PDILT: variants seen among roughly 807,000 people sequenced by gnomAD.
PDILT encodes protein disulfide isomerase like, testis expressed, also known as protein disulfide-isomerase-like protein of the testis.
In PDILT, 43 loss-of-function variants were observed where a neutral mutation model predicts 53.7. The observed-to-expected ratio is 0.80, with a 90% CI of 0.63 to 1.03. The LOEUF (loss-of-function observed/expected upper bound fraction) is 1.03, where lower values mean the gene tolerates loss of function less well. PDILT is among the 50% of genes least tolerant of loss of function. PDILT has a pLI of 0.00. For missense variants in PDILT, 727 were observed against 712.3 expected, an observed-to-expected ratio of 1.02 and a Z score of -0.24; for synonymous variants, 282 against 274.2, an observed-to-expected ratio of 1.03 and a Z score of -0.28.
intron 2 of PDILT, among the ~76,000 whole-genome samples, chr16:20,394,723 C>A (rs1183057551): frequency 6.6e-6 from 1 of 152,222 alleles, no homozygotes; most frequent in Non-Finnish European, 1.5e-5. Flanking sequence ...AGATGGGCAT[C>A]ATTTCCAGGC....
Position 20,384,642 on chromosome 16 carries a change from T to C in PDILT, c.409+3A>G. 1 of 1,613,998 alleles carries C rather than the reference T, an allele frequency of 6.2e-7. No individual in the cohort carries two copies. The highest frequency in any genetic ancestry group is 8.5e-7 in the Non-Finnish European group (1 of 1,179,964). ...AACAAGTGTGACACACAAGCACCAT[T>C]ACCTTTGCAGCTGATGGGCTCTGAC... On this transcript the variant is annotated splice_donor_region_variant and intron_variant, in intron 3 of 11. Transcript: ENST00000302451.
intron 8 of PDILT, among the ~76,000 whole-genome samples, chr16:20,368,318 A>G (rs1236783777): frequency 6.6e-6 from 1 of 152,148 alleles, no homozygotes; most frequent in Non-Finnish European, 1.5e-5. Context: ...GAGGACAGCA[A>G]CAAGGAGGTG....
rs929100132 is a variant in PDILT, at chr16:20,372,698, C to T, written c.918+104G>A. ...CAGGCAATTGCAAGTGCCAATCTTT[C>T]CTGATTCAATTTATAATAAGCAGGG... On this transcript the variant is annotated intron_variant, in intron 7 of 11. Transcript: ENST00000302451. The T allele has an allele frequency of 2.9e-6, 4 of 1,364,510 alleles. No homozygotes were observed. The African/African-American group carries it at 5.8e-5, about 20-fold the overall frequency. 84.5% of individuals were successfully genotyped at this position (1,364,510 alleles called of 1,614,324 possible). A position where few individuals can be genotyped will look rare whatever the true frequency, so the allele number is the denominator to read the frequency against.
chr16:20,400,014 CTA>C (rs1966710410), intron 1 of PDILT, among the ~76,000 whole-genome samples: 1 of 85,270 alleles, frequency 1.2e-5, no homozygotes. Flanking sequence ...GAATATATCT[CTA>C]TCTATCTATC....
At chr16:20,402,137 C>G (rs58357786) in intron 1 of PDILT, among the ~76,000 whole-genome samples, 13,487 of 152,180 alleles carry the variant, frequency 0.089, 919 homozygotes, top group African/African-American at 0.18. Flanking sequence ...ATTCTAGGTG[C>G]TAGGGATACA....
chr16:20,399,010 A>C, intron 2 of PDILT, 89 bp downstream of exon 2: 1 of 1,321,832 alleles, frequency 7.6e-7, no homozygotes, highest in Non-Finnish European at 1.1e-6. Context: ...TTATGTGTTT[A>C]GCAATATATA....
At chr16:20,400,088 T>G (rs1400661324) in intron 1 of PDILT, among the ~76,000 whole-genome samples, 18 of 149,008 alleles carry the variant, frequency 1.2e-4, no homozygotes, top group African/African-American at 4.5e-4. Flanking sequence ...TGAGACGGAG[T>G]TTTGCTCTTG....
intron 3 of PDILT, among the ~76,000 whole-genome samples, chr16:20,382,785 C>T (rs1379014727): frequency 5.3e-5 from 8 of 152,112 alleles, no homozygotes; most frequent in South Asian, 2.1e-4. Flanking sequence ...AACTGAGATT[C>T]GACGAGCGGC....
chr16:20,367,806 C>T (rs11074453), intron 8 of PDILT, among the ~76,000 whole-genome samples: 86,819 of 151,940 alleles, frequency 0.57, 25,573 homozygotes, highest in Middle Eastern at 0.62. Flanking sequence ...TGCCAGGACA[C>T]TTTTCAGAGT....
chr16:20,365,818 C>A (rs1016497529), intron 8 of PDILT, among the ~76,000 whole-genome samples: 1 of 135,086 alleles, frequency 7.4e-6, no homozygotes, highest in Non-Finnish European at 1.5e-5. Context: ...CGCGGTGGCT[C>A]ACGCCTATAA....
At chr16:20,372,102 C>A (rs1396239038) in intron 7 of PDILT, among the ~76,000 whole-genome samples, 1 of 152,106 alleles carries the variant, frequency 6.6e-6, no homozygotes, top group Non-Finnish European at 1.5e-5. Flanking sequence ...AGTTCAGGTA[C>A]TTCTAACTAC....
At chr16:20,384,546 C>T (rs9936599) in intron 3 of PDILT, 99 bp downstream of exon 3, 150,823 of 1,435,284 alleles carry the variant, frequency 0.11, 8,539 homozygotes, top group African/African-American at 0.17. Flanking sequence ...CCTGGGTCCC[C>T]GAGAAGCTGC....
At chr16:20,367,718 G>C (rs1218441270) in intron 8 of PDILT, among the ~76,000 whole-genome samples, 1 of 152,186 alleles carries the variant, frequency 6.6e-6, no homozygotes, top group Non-Finnish European at 1.5e-5. Context: ...TCAGCTGAGA[G>C]TGAGTGGGAA....
At chr16:20,391,350 C>T (rs1206904818) in intron 2 of PDILT, among the ~76,000 whole-genome samples, 3 of 151,980 alleles carry the variant, frequency 2.0e-5, no homozygotes, top group Non-Finnish European at 4.4e-5. Flanking sequence ...ACCATCATCA[C>T]CATTGTCATC....
chr16:20,390,522 A>C (rs928687693), intron 2 of PDILT: 1 of 151,154 alleles, frequency 6.6e-6, no homozygotes, highest in Non-Finnish European at 1.5e-5. Context: ...ATTCCCTATC[A>C]CTCTTGTGTA....
chr16:20,380,207 G>A (rs1966443800), intron 3 of PDILT, among the ~76,000 whole-genome samples: 1 of 152,164 alleles, frequency 6.6e-6, no homozygotes, highest in African/African-American at 2.4e-5. Context: ...CTGATGGGCT[G>A]CCCTTTCCTC....
chr16:20,393,155 C>T (rs996537255), intron 2 of PDILT, among the ~76,000 whole-genome samples: 3 of 152,204 alleles, frequency 2.0e-5, no homozygotes, highest in Non-Finnish European at 2.9e-5. Context: ...AGTTTCTCTG[C>T]TCCTCCCTGT....
chr16:20,390,570 T>C (rs1050381127), intron 2 of PDILT: 1 of 152,216 alleles, frequency 6.6e-6, no homozygotes, highest in Non-Finnish European at 1.5e-5. Context: ...GGAAATACTA[T>C]ATATTTTACT....
At position 20,386,528 on chromosome 16, in the gene PDILT, C is replaced by T. The variant is rs61407780; in HGVS notation, c.203-1677G>A. 6.9e-3 allele frequency among the ~76,000 whole-genome samples: 1,057 copies of T among 152,274 alleles called. 11 individuals carry two copies. Among genetic ancestry groups the T allele is most frequent in the African/African-American group, 0.023 (962 of 41,556 alleles). On this transcript the variant is annotated intron_variant, in intron 2 of 11. Coordinates refer to ENST00000302451, the MANE Select transcript of PDILT (RefSeq NM_174924.2). Reference sequence around the variant, plus strand: ...AAAGTGCCGCTCAGAAAGCAGGGCCCCGGGACAGCTGGCGAGGGCCCCGTT... The same window carrying T: ...AAAGTGCCGCTCAGAAAGCAGGGCCTCGGGACAGCTGGCGAGGGCCCCGTT...
Sources: allele counts gnomAD v4.1 joint callset (sites outside exome capture counted in the v4.1 genomes callset), GRCh38; gene constraint gnomAD v4.1.1; transcripts MANE v1.5; gene names NCBI Gene and HGNC (gene_info 2026-07-23, HGNC 2026-07-21).